The following FAM222A variants were observed in gnomAD, a reference collection of about 807,000 sequenced individuals.
FAM222A encodes the protein protein FAM222A.
Under a neutral mutation model 25.8 loss-of-function variants are expected in FAM222A, and 7 were observed. That is an observed-to-expected ratio of 0.27 (90% CI 0.15 to 0.51). The LOEUF is 0.51. Ranked by LOEUF, FAM222A falls within the 20% of genes least tolerant of loss-of-function variation. The pLI is 0.97. For missense variants in FAM222A, 573 were observed against 640.5 expected (o/e 0.89, Z 1.14); for synonymous variants, 294 against 298.8 (o/e 0.98, Z 0.17).
intron 2 of FAM222A, among the ~76,000 whole-genome samples, chr12:109,757,545 TA>T (rs1324027287): frequency 1.3e-5 from 2 of 152,114 alleles, no homozygotes; most frequent in Non-Finnish European, 1.5e-5. Context: ...ACTAGAAATC[TA>T]ACTGTGGAAA....
At chr12:109,749,511 C>G (rs983700326) in intron 2 of FAM222A, among the ~76,000 whole-genome samples, 1 of 152,156 alleles carries the variant, frequency 6.6e-6, no homozygotes, top group South Asian at 2.1e-4. Context: ...GTGATATAAC[C>G]TATGCTAATT....
At position 109,744,213 on chromosome 12, in the gene FAM222A, C is replaced by G; in HGVS notation, c.67C>G (p.Leu23Val). The part of the protein sequence containing the change: ...GQHLACPSKS[L>V]ELRKCEAVAS... The stretch of plus-strand genomic sequence containing the variant: ...ACACCTGGCCTGCCCGAGCAAGAGC[C>G]TGGAGCTGCGCAAGTGTGAGTAGGA... The change falls in exon 2 of 3, where the codon CTG becomes GTG. Residue 23 changes from leucine (L) to valine (V), a missense_variant. Physicochemically the swap from Leu to Val is conservative, Grantham distance 32. Transcript: ENST00000538780. 6.2e-7 allele frequency: 1 copy of G among 1,613,196 alleles called. No homozygotes were observed. Among genetic ancestry groups the G allele is most frequent in the Middle Eastern group, 1.6e-4 (1 of 6,062 alleles).
intron 2 of FAM222A, among the ~76,000 whole-genome samples, chr12:109,759,364 A>T (rs932743307): frequency 1.4e-4 from 22 of 152,056 alleles, no homozygotes; most frequent in Admixed American, 8.5e-4. Flanking sequence ...CCTGTGGTGC[A>T]GAGTGTTGCA....
Position 109,768,186 on chromosome 12 carries a change from G to A in FAM222A, c.257G>A (p.Gly86Asp). 2 of 1,613,458 alleles carry A rather than the reference G, an allele frequency of 1.2e-6. No individual in the cohort carries two copies. Among genetic ancestry groups the A allele is most frequent in the South Asian group, 2.2e-5 (2 of 91,036 alleles). ...ACAGTCAATGGCTATGACACCAGTG[G>A]CCAGCGCTACAGCCCCTACCCACAG... ...SRTVNGYDTS[G>D]QRYSPYPQHT... The change falls in exon 3 of 3, where the codon GGC becomes GAC. Residue 86 changes from glycine to aspartate, a missense_variant. This residue lies in a region of FAM222A where 112 missense variants were observed against 154.6 expected (regional missense o/e 0.72). Transcript: ENST00000538780.
chr12:109,740,007 G>A (rs987121250), intron 1 of FAM222A, among the ~76,000 whole-genome samples: 14 of 152,106 alleles, frequency 9.2e-5, no homozygotes, highest in African/African-American at 2.9e-4. Context: ...GCTCCCTGAC[G>A]CCCCCTGCAG....
At chr12:109,766,219 G>A (rs1760270511) in intron 2 of FAM222A, among the ~76,000 whole-genome samples, 1 of 152,190 alleles carries the variant, frequency 6.6e-6, no homozygotes, top group Non-Finnish European at 1.5e-5. Context: ...TCTGCCTCAT[G>A]GAACTCCACC....
chr12:109,768,314 G>C lies in FAM222A; in HGVS notation c.385G>C (p.Ala129Pro). The C allele has an allele frequency of 1.9e-6, 3 of 1,604,790 alleles. No homozygotes were observed. The highest frequency in any genetic ancestry group is 2.5e-6 in the Non-Finnish European group (3 of 1,177,032). ...GCCCGCCAAAAGTGTGCTCAAGAGC[G>C]CCGAGGGCAAGCGGACCAAGCTGTC... ...AGPAKSVLKS[A>P]EGKRTKLSPA... Residue 129 changes from alanine to proline, a missense_variant, in exon 3 of 3, where the codon GCC (alanine) becomes CCC (proline). Ala to Pro is a conservative substitution (Grantham distance 27). This residue lies in a region of FAM222A where 412 missense variants were observed against 407.0 expected (regional missense o/e 1.01). Transcript: ENST00000538780.
At chr12:109,725,733 C>T (rs1887827841) in intron 1 of FAM222A, among the ~76,000 whole-genome samples, 2 of 151,788 alleles carry the variant, frequency 1.3e-5, no homozygotes, top group Admixed American at 6.6e-5. Flanking sequence ...ATGTCAGGCG[C>T]CAAGTTGTGC....
intron 2 of FAM222A, among the ~76,000 whole-genome samples, chr12:109,766,318 G>A (rs911509408): frequency 5.3e-5 from 8 of 152,252 alleles, no homozygotes; most frequent in African/African-American, 1.7e-4. Flanking sequence ...ATGGATGGGG[G>A]CAGGAGTCTG....
rs1274453602 is a variant in FAM222A, at chr12:109,713,894, G to A, written c.-1050G>A. ...GCTCCGCGGAGAGGCTGCGCGCGCC[G>A]GCCGGGGGAGGCGGACAGCCGGGCC... On this transcript the variant is annotated 5_prime_UTR_variant, in exon 1 of 3. Transcript: ENST00000538780. Among the ~76,000 whole-genome samples the A allele has an allele frequency of 6.8e-6, 1 of 147,456 alleles. No individual in the cohort carries two copies. Among genetic ancestry groups the A allele is most frequent in the Non-Finnish European group, 1.5e-5 (1 of 66,290 alleles).
At position 109,769,178 on chromosome 12, in the gene FAM222A, C is replaced by T. The variant is rs1381223186; in HGVS notation, c.1249C>T (p.Arg417Trp). Residue 417 changes from arginine to tryptophan, a missense_variant, in exon 3 of 3, where the codon CGG (arginine) becomes TGG (tryptophan). Arg to Trp is a moderately radical substitution (Grantham distance 101). Transcript: ENST00000538780. Reference sequence around the variant, plus strand: ...ACTGGAGTATCTCATCAACGACATCCGGCCGCCCTGCATCAAGGAGCAGAT... The same window carrying T: ...ACTGGAGTATCTCATCAACGACATCTGGCCGCCCTGCATCAAGGAGCAGAT... ...QSLEYLINDIRPPCIKEQMLG... is the reference protein window; with the variant it reads ...QSLEYLINDIWPPCIKEQMLG... The T allele has an allele frequency of 5.0e-6, 8 of 1,612,476 alleles. No homozygotes were observed. Among genetic ancestry groups the T allele is most frequent in the East Asian group, 4.5e-5 (2 of 44,874 alleles).
In FAM222A at chr12:109,768,661, C is replaced by T; in HGVS notation, c.732C>T (p.Tyr244=). The T allele has an allele frequency of 1.3e-6, 2 of 1,598,284 alleles. No homozygotes were observed. Among genetic ancestry groups the T allele is most frequent in the South Asian group, 1.1e-5 (1 of 90,496 alleles). ...TGCCCAGCTTCCCCAGCATGGCCTA[C>T]TCGGCTGCAGCCGGTCTGCCCGACT... ...GPVPSFPSMA[Y]SAAAGLPDCR... is the part of the protein sequence containing the mutation. The change falls in exon 3 of 3, where the codon TAC becomes TAT. Residue 244 remains tyrosine (Y), a synonymous_variant. Transcript: ENST00000538780.
At chr12:109,758,493 A>G (rs577276727) in intron 2 of FAM222A, among the ~76,000 whole-genome samples, 3 of 152,220 alleles carry the variant, frequency 2.0e-5, no homozygotes, top group African/African-American at 7.2e-5. Context: ...GGCTGACCTC[A>G]GGGGCCCTCA....
chr12:109,730,866 C>G (rs1887935219), intron 1 of FAM222A, among the ~76,000 whole-genome samples: 1 of 152,170 alleles, frequency 6.6e-6, no homozygotes, highest in Non-Finnish European at 1.5e-5. Context: ...TCCTCCCCCG[C>G]TGCTGTGTGA....
intron 1 of FAM222A, among the ~76,000 whole-genome samples, chr12:109,723,309 G>A (rs1887783122): frequency 6.6e-6 from 1 of 152,178 alleles, no homozygotes; most frequent in African/African-American, 2.4e-5. Context: ...ACATAAGGAG[G>A]CCAGGCCAGT....
chr12:109,769,510 A>G lies in FAM222A; in HGVS notation c.*222A>G. 1.7e-6 allele frequency: 1 copy of G among 585,492 alleles called. No homozygotes were observed. The highest frequency in any genetic ancestry group is 2.3e-5 in the South Asian group (1 of 43,830). The allele number at this position is 585,492 out of a possible 1,614,324, so 36.3% of individuals were successfully genotyped here. A position where few individuals can be genotyped will look rare whatever the true frequency, so the allele number is the denominator to read the frequency against. ...CCCACCATCGGTTGCCCCAGGACAC[A>G]GTGAGGGCCTGGGGGCAGCCACTGA... On this transcript the variant is annotated 3_prime_UTR_variant, in exon 3 of 3. Transcript: ENST00000538780.
At chr12:109,747,295 G>A (rs544915520) in intron 2 of FAM222A, among the ~76,000 whole-genome samples, 42 of 152,170 alleles carry the variant, frequency 2.8e-4, no homozygotes, top group Non-Finnish European at 4.9e-4. Context: ...GGGTTTCACC[G>A]TGTTGGCCAG....
chr12:109,716,346 C>T (rs1425840602), intron 1 of FAM222A, among the ~76,000 whole-genome samples: 1 of 152,158 alleles, frequency 6.6e-6, no homozygotes, highest in Non-Finnish European at 1.5e-5. Context: ...GTCATTGCCT[C>T]AGCAGCGTGG....
rs141618001 is a variant in FAM222A, at chr12:109,745,336, T to C, written c.82+1108T>C. Among the ~76,000 whole-genome samples the C allele has an allele frequency of 3.7e-3, 561 of 152,348 alleles. 2 individuals are homozygous for C. The highest frequency in any genetic ancestry group is 6.8e-3 in the Middle Eastern group (2 of 294). ...GCCACATAGTTTTCTCTAGCAGGGGTGGCCCATAATTTATTTGGCCAGTCC... is the reference window on the plus strand; with the variant it reads ...GCCACATAGTTTTCTCTAGCAGGGGCGGCCCATAATTTATTTGGCCAGTCC... On this transcript the variant is annotated intron_variant, in intron 2 of 2. Coordinates refer to ENST00000538780, the MANE Select transcript of FAM222A (RefSeq NM_032829.3).
Sources: gnomAD v4.1 joint callset for allele counts (sites outside exome capture counted in the v4.1 genomes callset) on GRCh38, gnomAD v4.1.1 for gene constraint, gnomAD v4.1.1 regional missense constraint, MANE v1.5 for transcripts, NCBI Gene and HGNC (gene_info 2026-07-23, HGNC 2026-07-21) for gene names.